Variants in FHIT observed in about 807,000 individuals in gnomAD.
FHIT encodes the protein fragile histidine triad diadenosine triphosphatase, also known as bis(5'-adenosyl)-triphosphatase.
Under a neutral mutation model 17.9 loss-of-function variants are expected in FHIT, and 19 were observed. The ratio of observed to expected loss-of-function variants is 1.06; its 90% confidence interval spans 0.74 to 1.56. The LOEUF is 1.56. FHIT is among the 40% of genes most tolerant of loss of function. The pLI, the probability that FHIT is intolerant of heterozygous loss-of-function variation, is 0.00. For synonymous variants in FHIT, 81 were observed against 69.7 expected, an observed-to-expected ratio of 1.16 and a Z score of -0.81; for missense variants, 248 against 189.2, an observed-to-expected ratio of 1.31 and a Z score of -1.82.
chr3:60,219,949 A>G (rs1330629818), intron 5 of FHIT, among the ~76,000 whole-genome samples: 1 of 152,160 alleles, frequency 6.6e-6, no homozygotes, highest in Non-Finnish European at 1.5e-5. Context: ...TACTGCTCAT[A>G]TTTTTGTTTC....
chr3:61,220,253 T>C (rs1325175915), intron 1 of FHIT, among the ~76,000 whole-genome samples: 1 of 152,206 alleles, frequency 6.6e-6, no homozygotes, highest in Non-Finnish European at 1.5e-5. Flanking sequence ...TTAAACCCCT[T>C]TCTAAAACCT....
At chr3:60,840,060 G>T (rs1186964505) in intron 3 of FHIT, among the ~76,000 whole-genome samples, 9 of 152,018 alleles carry the variant, frequency 5.9e-5, no homozygotes, top group Non-Finnish European at 1.2e-4. Flanking sequence ...CTAGCACTCA[G>T]TCCTCTTTAG....
At chr3:60,733,654 T>C (rs2042077973) in intron 4 of FHIT, among the ~76,000 whole-genome samples, 1 of 152,212 alleles carries the variant, frequency 6.6e-6, no homozygotes, top group African/African-American at 2.4e-5. Context: ...CTATCCTTCA[T>C]TCCTCATTAC....
At chr3:61,080,520 AG>A (rs779126770) in intron 2 of FHIT, among the ~76,000 whole-genome samples, 22 of 152,222 alleles carry the variant, frequency 1.4e-4, no homozygotes, top group Admixed American at 4.6e-4. Flanking sequence ...AAGTAGAAAT[AG>A]CTTTTGTGCT....
At chr3:60,085,412 C>T (rs932354204) in intron 5 of FHIT, among the ~76,000 whole-genome samples, 14 of 152,096 alleles carry the variant, frequency 9.2e-5, no homozygotes, top group African/African-American at 3.4e-4. Flanking sequence ...TTCACTGAAG[C>T]ATCTATATAT....
intron 7 of FHIT, among the ~76,000 whole-genome samples, chr3:59,925,892 T>A (rs560223190): frequency 6.6e-6 from 1 of 152,244 alleles, no homozygotes; most frequent in Non-Finnish European, 1.5e-5. Flanking sequence ...TATGGACTTC[T>A]AATAGAATGA....
chr3:60,654,024 T>G (rs1577031526), intron 4 of FHIT, among the ~76,000 whole-genome samples: 1 of 152,144 alleles, frequency 6.6e-6, no homozygotes, highest in African/African-American at 2.4e-5. Context: ...TGCTCTGAGT[T>G]CACATGAGAT....
chr3:59,823,537 G>C (rs1700869681), intron 8 of FHIT, among the ~76,000 whole-genome samples: 1 of 151,938 alleles, frequency 6.6e-6, no homozygotes, highest in African/African-American at 2.4e-5. Context: ...TACAGGGATG[G>C]TTTCACATAC....
chr3:61,121,986 G>A (rs2036470823), intron 2 of FHIT, among the ~76,000 whole-genome samples: 1 of 152,016 alleles, frequency 6.6e-6, no homozygotes, highest in Admixed American at 6.6e-5. Context: ...GACAAAGAAG[G>A]GCATTACATA....
chr3:60,288,566 AGTGTGTGTGTGT>A (rs139336094), intron 5 of FHIT, among the ~76,000 whole-genome samples: 74 of 144,662 alleles, frequency 5.1e-4, no homozygotes, highest in Middle Eastern at 3.5e-3. Context: ...GTTCTGGCAC[AGTGTGTGTGTGT>A]GTGTGTGTGT....
At chr3:60,118,492 A>C (rs1705083521) in intron 5 of FHIT, among the ~76,000 whole-genome samples, 1 of 151,904 alleles carries the variant, frequency 6.6e-6, no homozygotes, top group Admixed American at 6.6e-5. Flanking sequence ...GAATGATGGA[A>C]TATGTCAAGG....
chr3:59,834,264 A>G (rs1701263097), intron 8 of FHIT, among the ~76,000 whole-genome samples: 1 of 152,130 alleles, frequency 6.6e-6, no homozygotes, highest in Admixed American at 6.6e-5. Context: ...CCATTGTTTC[A>G]TTCATGATGT....
At chr3:59,896,274 T>C (rs1704067106) in intron 8 of FHIT, among the ~76,000 whole-genome samples, 1 of 152,136 alleles carries the variant, frequency 6.6e-6, no homozygotes, top group Non-Finnish European at 1.5e-5. Context: ...AATGAATAGA[T>C]AACTGAGGAA....
At chr3:61,139,769 G>A (rs1342468840) in intron 2 of FHIT, among the ~76,000 whole-genome samples, 1 of 152,030 alleles carries the variant, frequency 6.6e-6, no homozygotes, top group Non-Finnish European at 1.5e-5. Flanking sequence ...CTTACAAGTA[G>A]GGTTTGCGGT....
chr3:60,426,861 A>T (rs112310898), intron 5 of FHIT, among the ~76,000 whole-genome samples: 48 of 152,116 alleles, frequency 3.2e-4, no homozygotes, highest in African/African-American at 1.1e-3. Flanking sequence ...CAGACTTCTG[A>T]GATGTCCCTC....
intron 7 of FHIT, among the ~76,000 whole-genome samples, chr3:59,986,482 T>G (rs535271052): frequency 7.3e-6 from 1 of 136,690 alleles, no homozygotes; most frequent in African/African-American, 2.9e-5. Flanking sequence ...GCTCTGGGTA[T>G]GAGAAAGTAG....
At chr3:60,486,760 T>C (rs2107490070) in intron 5 of FHIT, among the ~76,000 whole-genome samples, 1 of 152,302 alleles carries the variant, frequency 6.6e-6, no homozygotes, top group South Asian at 2.1e-4. Context: ...TATTTTATCT[T>C]TCAACGGATA....
At chr3:61,125,377 T>A (rs2036578306) in intron 2 of FHIT, among the ~76,000 whole-genome samples, 1 of 152,210 alleles carries the variant, frequency 6.6e-6, no homozygotes, top group Admixed American at 6.5e-5. Flanking sequence ...TGAAATCATT[T>A]TAGTCAATAG....
At chr3:60,678,666 T>C (rs1303051769) in intron 4 of FHIT, among the ~76,000 whole-genome samples, 1 of 152,072 alleles carries the variant, frequency 6.6e-6, no homozygotes, top group Non-Finnish European at 1.5e-5. Flanking sequence ...AAAACTGGGA[T>C]AGAAATAGGG....
Sources: gnomAD v4.1 joint callset for allele counts (sites outside exome capture counted in the v4.1 genomes callset) on GRCh38, gnomAD v4.1.1 for gene constraint, MANE v1.5 for transcripts, NCBI Gene and HGNC (gene_info 2026-07-23, HGNC 2026-07-21) for gene names.